NBPF15: variants seen among roughly 807,000 people sequenced by gnomAD.
The protein encoded by NBPF15 is NBPF member 15.
NBPF15 carries 74 observed loss-of-function variants against 62.2 expected under a neutral mutation model. That is an observed-to-expected ratio of 1.19 (90% CI 0.99 to 1.44). The LOEUF (loss-of-function observed/expected upper bound fraction) is 1.44, where lower values mean the gene tolerates loss of function less well. Among genes scored for constraint, NBPF15 ranks in the 40% most tolerant of loss-of-function variants. The pLI is 0.00. For synonymous variants in NBPF15, 244 were observed against 209.7 expected, an observed-to-expected ratio of 1.16 and a Z score of -1.41; for missense variants, 790 against 550.0, an observed-to-expected ratio of 1.44 and a Z score of -4.36.
At chr1:144,432,116 A>C (rs1374038110) in intron 13 of NBPF15, among the ~76,000 whole-genome samples, 1 of 152,114 alleles carries the variant, frequency 6.6e-6, no homozygotes, top group Admixed American at 6.6e-5. Context: ...CCAACAGTGT[A>C]AAAGTGTTCC....
In NBPF15 at chr1:144,422,986, G is replaced by T. The variant is rs1553538473; in HGVS notation, c.*27C>A. The T allele has an allele frequency of 3.1e-6, 5 of 1,611,666 alleles. No individual in the cohort carries two copies. The South Asian group carries it at 4.4e-5, about 14-fold the overall frequency. On this transcript the variant is annotated 3_prime_UTR_variant, in exon 22 of 22. Coordinates refer to ENST00000581897, the MANE Select transcript of NBPF15 (RefSeq NM_001385408.1). ...GCCTATAGGTCCTGCCTGCAGGAAT[G>T]ACATCTCTCGGCTTAGTAAGAGCTG...
rs1254811641 is a variant in NBPF15, at chr1:144,423,891, T to A, written c.1748A>T (p.Asp583Val). The A allele has an allele frequency of 1.4e-5, 11 of 781,402 alleles. No homozygotes were observed. The highest frequency in any genetic ancestry group is 2.5e-5 in the Non-Finnish European group (11 of 432,808). The allele number at this position is 781,402 out of a possible 1,614,324, so 48.4% of individuals were successfully genotyped here. The change falls in exon 21 of 22, where the codon GAT becomes GTT. Residue 583 changes from aspartate to valine, a missense_variant. Physicochemically the swap from Asp to Val is radical, Grantham distance 152. Coordinates refer to ENST00000581897, the MANE Select transcript of NBPF15 (RefSeq NM_001385408.1). ...TTACCTGGGGCATGGTGGGTTGTCA[T>A]CTTCCCCTTCTTTTCTTCCCCTTCT... Reference protein sequence around the residue: ...KRRRGRKEGEDDNPPCPRLYG... With the variant: ...KRRRGRKEGEVDNPPCPRLYG...
At chr1:144,426,228 T>A in intron 18 of NBPF15, 50 bp downstream of exon 18, 1 of 578,440 alleles carries the variant, frequency 1.7e-6, no homozygotes, top group South Asian at 2.0e-5. Flanking sequence ...ATATCACCCC[T>A]ATCTGGAAGA....
intron 3 of NBPF15, 121 bp downstream of exon 3, chr1:144,459,245 C>G (rs1208038822): frequency 2.0e-5 from 3 of 152,006 alleles, no homozygotes; most frequent in Non-Finnish European, 4.4e-5. Flanking sequence ...AATCCCAACA[C>G]TTTGGGAGGC....
intron 15 of NBPF15, among the ~76,000 whole-genome samples, chr1:144,428,344 G>A (rs77960701): frequency 1.3e-5 from 2 of 151,914 alleles, no homozygotes; most frequent in African/African-American, 4.8e-5. Context: ...TGCATAAAAT[G>A]TGCTCAAGTT....
At position 144,459,384 on chromosome 1, in the gene NBPF15, TG is replaced by T. The variant is rs1213037228; in HGVS notation, c.-720del. 1.3e-5 allele frequency: 2 copies of T among 151,966 alleles called. No homozygotes were observed. Among genetic ancestry groups the T allele is most frequent in the African/African-American group, 2.4e-5 (1 of 41,326 alleles). The allele number at this position is 151,966 out of a possible 1,614,324, so 9.4% of individuals were successfully genotyped here. On this transcript the variant is annotated 5_prime_UTR_variant, in exon 3 of 22. Transcript: ENST00000581897. Reference sequence around the variant, plus strand: ...TGCTCACCTGTAGGTCCCAGCTACTTGGGGGCTGAGGCAGGAGGATCACCTG... The same window carrying T: ...TGCTCACCTGTAGGTCCCAGCTACTTGGGGCTGAGGCAGGAGGATCACCTG...
intron 6 of NBPF15, among the ~76,000 whole-genome samples, chr1:144,448,491 A>T (rs1302508471): frequency 6.6e-6 from 1 of 152,124 alleles, no homozygotes; most frequent in Non-Finnish European, 1.5e-5. Context: ...AAATTTGCAT[A>T]TTATAAACTG....
chr1:144,426,261 C>G lies in NBPF15; in HGVS notation c.1438+17G>C. On this transcript the variant is annotated intron_variant, in intron 18 of 21. Transcript: ENST00000581897. ...AGACCAGGTGGAGGCTTATCACCTT[C>G]ACAGTAAGGTACTCACTGTCCACGT... 1 of 575,578 alleles carries G rather than the reference C, an allele frequency of 1.7e-6. No homozygotes were observed. The highest frequency in any genetic ancestry group is 3.1e-6 in the Non-Finnish European group (1 of 327,788). 35.7% of individuals were successfully genotyped at this position (575,578 alleles called of 1,614,324 possible). A position where few individuals can be genotyped will look rare whatever the true frequency, so the allele number is the denominator to read the frequency against.
At chr1:144,426,825 A>G (rs1475891134) in intron 17 of NBPF15, among the ~76,000 whole-genome samples, 5 of 150,534 alleles carry the variant, frequency 3.3e-5, no homozygotes, top group Admixed American at 1.3e-4. Context: ...CAGTTGCCAT[A>G]CAGCCTTTGA....
At position 144,461,605 on chromosome 1, in the gene NBPF15, C is replaced by T. The variant is rs192449674; in HGVS notation, c.-1162G>A. On this transcript the variant is annotated 5_prime_UTR_variant, in exon 1 of 22. Coordinates refer to ENST00000581897, the MANE Select transcript of NBPF15 (RefSeq NM_001385408.1). Reference sequence around the variant, plus strand: ...CCCGATACCGCCGCTGTCTCAACCGCCGCCCAGCCCATAGCCTGCGCCAGC... The same window carrying T: ...CCCGATACCGCCGCTGTCTCAACCGTCGCCCAGCCCATAGCCTGCGCCAGC... The T allele has an allele frequency of 0.08, 12,181 of 152,618 alleles. 1,288 individuals carry two copies. The highest frequency in any genetic ancestry group is 0.24 in the African/African-American group (9,874 of 41,436). 9.5% of individuals were successfully genotyped at this position (152,618 alleles called of 1,614,324 possible).
intron 6 of NBPF15, among the ~76,000 whole-genome samples, chr1:144,444,866 T>C (rs1311722445): frequency 1.3e-5 from 2 of 151,996 alleles, no homozygotes; most frequent in Non-Finnish European, 2.9e-5. Flanking sequence ...CAGATCATTG[T>C]GCAGACACAG....
chr1:144,428,064 G>T (rs1351747986), intron 15 of NBPF15, 74 bp from the exon 16 acceptor site: 10 of 783,398 alleles, frequency 1.3e-5, no homozygotes, highest in Non-Finnish European at 2.1e-5. Context: ...AGATTTCATG[G>T]CTAACATAAG....
At chr1:144,432,432 T>C (rs28808372) in intron 13 of NBPF15, among the ~76,000 whole-genome samples, 6 of 152,192 alleles carry the variant, frequency 3.9e-5, no homozygotes, top group East Asian at 1.9e-4. Flanking sequence ...AATATCATAA[T>C]GACAGGATCA....
At chr1:144,449,622 G>A (rs1329440237) in intron 5 of NBPF15, among the ~76,000 whole-genome samples, 1 of 152,040 alleles carries the variant, frequency 6.6e-6, no homozygotes, top group Non-Finnish European at 1.5e-5. Context: ...TTCAAGAAAT[G>A]CAGAGCAGAG....
At chr1:144,438,924 G>A (rs1420582111) in intron 8 of NBPF15, among the ~76,000 whole-genome samples, 3 of 151,840 alleles carry the variant, frequency 2.0e-5, no homozygotes, top group African/African-American at 7.3e-5. Context: ...TGTGCCCCAG[G>A]AAGCAGGACT....
chr1:144,435,173 T>C lies in NBPF15; in HGVS notation c.710A>G (p.Asp237Gly). 1 of 1,612,866 alleles carries C rather than the reference T, an allele frequency of 6.2e-7. No individual in the cohort carries two copies. Among genetic ancestry groups the C allele is most frequent in the East Asian group, 2.2e-5 (1 of 44,852 alleles). ...TKITFEEDKV[D>G]STLIGSSSHV... is the part of the protein sequence containing the mutation. ...AGAGGATGAGCCAATGAGAGTTGAGTCGACTTTGTCTTCCTCAAATGTGAT... is the reference window on the plus strand; with the variant it reads ...AGAGGATGAGCCAATGAGAGTTGAGCCGACTTTGTCTTCCTCAAATGTGAT... Residue 237 changes from aspartate to glycine, a missense_variant, in exon 12 of 22, where the codon GAC (aspartate) becomes GGC (glycine). Coordinates refer to ENST00000581897, the MANE Select transcript of NBPF15 (RefSeq NM_001385408.1).
chr1:144,455,730 G>A (rs1323893540), intron 4 of NBPF15, among the ~76,000 whole-genome samples: 55 of 151,948 alleles, frequency 3.6e-4, no homozygotes, highest in African/African-American at 1.3e-3. Flanking sequence ...GGACGGCCAC[G>A]TGAGAAGGAT....
chr1:144,424,579 T>C, intron 20 of NBPF15, 111 bp downstream of exon 20: 3 of 654,462 alleles, frequency 4.6e-6, no homozygotes, highest in Non-Finnish European at 8.2e-6. Flanking sequence ...CTATAGGTCC[T>C]CACTGCGGCA....
Position 144,439,884 on chromosome 1 carries a change from C to T in NBPF15, c.120G>A (p.Glu40=). The T allele has an allele frequency of 2.5e-6, 4 of 1,611,054 alleles. No individual in the cohort carries two copies. The South Asian group carries it at 4.4e-5, about 18-fold the overall frequency. Residue 40 remains glutamate, a synonymous_variant, in exon 8 of 22, where the codon GAG becomes GAA. Transcript: ENST00000581897. ...CGGCCAGTTGAGTTAGAAAACATTTCTCTTTGAGGTTTCTGAACTGCTGTT... is the reference window on the plus strand; with the variant it reads ...CGGCCAGTTGAGTTAGAAAACATTTTTCTTTGAGGTTTCTGAACTGCTGTT... The part of the protein sequence containing the change: ...EKKQQFRNLK[E]KCFLTQLAGF...
Sources: allele counts gnomAD v4.1 joint callset (sites outside exome capture counted in the v4.1 genomes callset), GRCh38; gene constraint gnomAD v4.1.1; transcripts MANE v1.5; gene names NCBI Gene and HGNC (gene_info 2026-07-23, HGNC 2026-07-21).